DPP6: variants seen among roughly 807,000 people sequenced by gnomAD.
The protein encoded by DPP6 is A-type potassium channel modulatory protein DPP6.
A neutral mutation model predicts 122.6 loss-of-function variants in DPP6; 69 were observed. The observed-to-expected ratio is 0.56, with a 90% CI of 0.46 to 0.69. DPP6 has a LOEUF of 0.69. Among genes scored for constraint, DPP6 ranks in the 30% least tolerant of loss-of-function variants. DPP6 has a pLI of 0.00. For missense variants in DPP6, 928 were observed against 1,116.9 expected (o/e 0.83, Z 2.41); for synonymous variants, 418 against 433.1 (o/e 0.97, Z 0.43).
intron 1 of DPP6, among the ~76,000 whole-genome samples, chr7:154,088,069 T>C (rs1406640377): frequency 6.6e-6 from 1 of 152,150 alleles, no homozygotes. Context: ...TCTCAGCCAG[T>C]CTTGTGACCA....
intron 5 of DPP6, among the ~76,000 whole-genome samples, chr7:154,577,084 TC>T (rs1371885712): frequency 6.6e-6 from 1 of 151,548 alleles, no homozygotes; most frequent in African/African-American, 2.4e-5. Flanking sequence ...GAAGGACGGG[TC>T]AAGGGCTGAC....
intron 17 of DPP6, among the ~76,000 whole-genome samples, chr7:154,855,257 T>C (rs1802735375): frequency 6.6e-6 from 1 of 152,156 alleles, no homozygotes; most frequent in Non-Finnish European, 1.5e-5. Flanking sequence ...ATCAAATCAT[T>C]ATTAGAAATA....
upstream of DPP6, among the ~76,000 whole-genome samples, chr7:153,884,163 C>T (rs1032210481): frequency 9.2e-5 from 14 of 152,104 alleles, no homozygotes; most frequent in Non-Finnish European, 1.8e-4. Flanking sequence ...CTCCCCAATT[C>T]CCGCACCCCA....
chr7:154,503,441 G>A (rs1311452400), intron 3 of DPP6, among the ~76,000 whole-genome samples: 1 of 152,198 alleles, frequency 6.6e-6, no homozygotes, highest in Non-Finnish European at 1.5e-5. Context: ...TACCTGACCA[G>A]GCTTTTCTTA....
intron 10 of DPP6, among the ~76,000 whole-genome samples, chr7:154,778,944 ACC>A (rs1796784808): frequency 8.0e-6 from 1 of 124,892 alleles, no homozygotes; most frequent in Admixed American, 8.3e-5. Flanking sequence ...TACAACTTCC[ACC>A]ACCAGCTCTA....
intron 1 of DPP6, among the ~76,000 whole-genome samples, chr7:154,197,536 G>A (rs931305741): frequency 6.6e-6 from 1 of 152,126 alleles, no homozygotes; most frequent in Non-Finnish European, 1.5e-5. Context: ...TTGCAAACAA[G>A]AGGTAGTCCA....
At chr7:154,840,162 GGGTCAGCCCACCT>G (rs1801406079) in intron 16 of DPP6, among the ~76,000 whole-genome samples, 1 of 152,182 alleles carries the variant, frequency 6.6e-6, no homozygotes. Context: ...GAAGCTTTAT[GGGTCAGCCCACCT>G]GGTCATCCCC....
At chr7:154,756,529 A>G (rs1843680579) in intron 8 of DPP6, among the ~76,000 whole-genome samples, 1 of 152,174 alleles carries the variant, frequency 6.6e-6, no homozygotes, top group Non-Finnish European at 1.5e-5. Flanking sequence ...TGAGGCACCC[A>G]GGGGCTGGGT....
At chr7:154,769,138 GAA>G (rs1178944720) in intron 8 of DPP6, among the ~76,000 whole-genome samples, 4 of 151,196 alleles carry the variant, frequency 2.6e-5, no homozygotes, top group Non-Finnish European at 3.0e-5. Flanking sequence ...TGTGTGCAAA[GAA>G]AAAAAAAGTG....
intron 1 of DPP6, among the ~76,000 whole-genome samples, chr7:154,164,100 C>T (rs1438215077): frequency 1.3e-5 from 2 of 152,098 alleles, no homozygotes; most frequent in South Asian, 2.1e-4. Flanking sequence ...GGCCTCTGCT[C>T]AGGTTCAGGT....
chr7:154,837,392 A>G (rs1160945657), intron 16 of DPP6, among the ~76,000 whole-genome samples: 1 of 152,192 alleles, frequency 6.6e-6, no homozygotes, highest in Non-Finnish European at 1.5e-5. Flanking sequence ...GCACGCACAC[A>G]TGCATACATG....
intron 7 of DPP6, among the ~76,000 whole-genome samples, chr7:154,670,425 G>A (rs890508704): frequency 6.6e-6 from 1 of 152,204 alleles, no homozygotes; most frequent in Non-Finnish European, 1.5e-5. Context: ...AGCACCTCCC[G>A]CTGTCAGGCT....
At chr7:154,250,426 C>T (rs1802280903) in intron 1 of DPP6, among the ~76,000 whole-genome samples, 1 of 151,358 alleles carries the variant, frequency 6.6e-6, no homozygotes, top group African/African-American at 2.4e-5. Flanking sequence ...TGCGCTGGGG[C>T]TGGCTACTGG....
intron 1 of DPP6, among the ~76,000 whole-genome samples, chr7:154,370,930 C>T (rs922012865): frequency 2.7e-4 from 41 of 152,286 alleles, no homozygotes; most frequent in African/African-American, 8.9e-4. Context: ...CTTTCACACT[C>T]GAAGCATGCA....
At chr7:153,913,168 A>G (rs963244086) in intron 1 of DPP6, among the ~76,000 whole-genome samples, 1 of 152,172 alleles carries the variant, frequency 6.6e-6, no homozygotes, top group Middle Eastern at 3.2e-3. Context: ...TCTGCCTCCC[A>G]GGTTCAAGCA....
chr7:154,219,105 C>T (rs1800162223), intron 1 of DPP6, among the ~76,000 whole-genome samples: 2 of 152,212 alleles, frequency 1.3e-5, no homozygotes, highest in Non-Finnish European at 1.5e-5. Flanking sequence ...TGCAGAGTCA[C>T]AAGACAGACT....
intron 16 of DPP6, among the ~76,000 whole-genome samples, chr7:154,829,214 C>A (rs1297388678): frequency 1.2e-5 from 1 of 81,324 alleles, no homozygotes; most frequent in Non-Finnish European, 3.7e-5. Context: ...AAAACCATGT[C>A]TCTACAAAAA....
At chr7:154,427,178 G>A (rs993668365) in intron 1 of DPP6, among the ~76,000 whole-genome samples, 1 of 152,170 alleles carries the variant, frequency 6.6e-6, no homozygotes, top group African/African-American at 2.4e-5. Context: ...GCATGGTGTC[G>A]AGAGAGGCAC....
chr7:154,451,439 G>A (rs1331321836), intron 2 of DPP6, among the ~76,000 whole-genome samples: 1 of 151,818 alleles, frequency 6.6e-6, no homozygotes, highest in Admixed American at 6.6e-5. Context: ...CAGCAAAGCG[G>A]GTTGAGAACC....
Sources: gnomAD v4.1 joint callset for allele counts (sites outside exome capture counted in the v4.1 genomes callset) on GRCh38, gnomAD v4.1.1 for gene constraint, MANE v1.5 for transcripts, NCBI Gene and HGNC (gene_info 2026-07-23, HGNC 2026-07-21) for gene names.